The following STKLD1 variants were observed in gnomAD, a reference collection of about 807,000 sequenced individuals.
STKLD1 encodes the protein serine/threonine kinase-like domain-containing protein STKLD1.
A neutral mutation model predicts 80.4 loss-of-function variants in STKLD1; 79 were observed. That is an observed-to-expected ratio of 0.98 (90% confidence interval 0.82 to 1.19). STKLD1 has a LOEUF of 1.19. STKLD1 is among the 50% of genes most tolerant of loss of function. STKLD1 has a pLI of 0.00. For missense variants in STKLD1, 841 were observed against 856.0 expected (o/e 0.98, Z 0.22); for synonymous variants, 393 against 357.6 (o/e 1.10, Z -1.12).
At chr9:133,399,348 G>T (rs1045983823) in intron 11 of STKLD1, among the ~76,000 whole-genome samples, 2 of 152,148 alleles carry the variant, frequency 1.3e-5, no homozygotes, top group Admixed American at 6.5e-5. Context: ...AGGTGACAAG[G>T]CCCAGCCCTG....
At chr9:133,378,974 G>A in intron 1 of STKLD1, 62 bp from the exon 2 acceptor site, 1 of 1,492,608 alleles carries the variant, frequency 6.7e-7, no homozygotes, top group Admixed American at 1.8e-5. Flanking sequence ...GTTGGAGCTG[G>A]GCTTTTGGAA....
In STKLD1 at chr9:133,404,985, G is replaced by A. The variant is rs587718609; in HGVS notation, c.1873+56G>A. 5.5e-5 allele frequency: 87 copies of A among 1,591,568 alleles called. 1 individual carries two copies. The highest frequency in any genetic ancestry group is 3.4e-4 in the South Asian group (30 of 88,536). ...AGAGCCCAGCGGTCAGGGGTGCCCC[G>A]CTCCCCCTATAACTGACAGGGAAGG... On this transcript the variant is annotated intron_variant, in intron 17 of 17. Transcript: ENST00000371957.
In STKLD1 at chr9:133,394,403, C is replaced by T; in HGVS notation, c.696C>T (p.Phe232=). 6.2e-7 allele frequency: 1 copy of T among 1,610,632 alleles called. No individual in the cohort carries two copies. Among genetic ancestry groups the T allele is most frequent in the Non-Finnish European group, 8.5e-7 (1 of 1,177,086 alleles). Residue 232 remains phenylalanine (F), a synonymous_variant, in exon 8 of 18, where the codon TTC becomes TTT. Transcript: ENST00000371957. This position sits in a 1 kb window ranked among gnomAD's most constrained non-coding sequence, Gnocchi z 4.9. ...CIILDMTSCS[F]MDGTEAMHLR... Reference sequence around the variant, plus strand: ...TTCTGGACATGACCAGCTGCTCCTTCATGGATGTGAGCCGCCCTCCCTCCC... The same window carrying T: ...TTCTGGACATGACCAGCTGCTCCTTTATGGATGTGAGCCGCCCTCCCTCCC...
At chr9:133,391,868 C>T (rs1192854990) in intron 7 of STKLD1, among the ~76,000 whole-genome samples, 1 of 151,830 alleles carries the variant, frequency 6.6e-6, no homozygotes, top group Non-Finnish European at 1.5e-5. Context: ...AAGAAAATGC[C>T]CAGGACGGAG....
At chr9:133,397,337 T>C in intron 10 of STKLD1, 43 bp downstream of exon 10, 1 of 1,607,978 alleles carries the variant, frequency 6.2e-7, no homozygotes, top group Non-Finnish European at 8.5e-7. Context: ...CTGAAGCTCC[T>C]GTCCATGGCC....
rs1022701229 is a variant in STKLD1 at position 133,384,656 on chromosome 9, C to T, written c.219+756C>T. 1.3e-5 allele frequency: 2 copies of T among 151,438 alleles called. No individual in the cohort carries two copies. The highest frequency in any genetic ancestry group is 2.4e-5 in the African/African-American group (1 of 41,194). 9.4% of individuals were successfully genotyped at this position (151,438 alleles called of 1,614,324 possible). On this transcript the variant is annotated intron_variant, in intron 3 of 17. Coordinates refer to ENST00000371957, the MANE Select transcript of STKLD1 (RefSeq NM_153710.5). The surrounding 1 kb of genome is among the most constrained non-coding windows in gnomAD (Gnocchi z 4.3). ...GTCTGAATTTCTGGGCTCAAGCAAT[C>T]GTCCCACCTCGGCCTCCAAAGTGCT...
chr9:133,397,114 G>T, intron 9 of STKLD1, 50 bp from the exon 10 acceptor site: 3 of 1,609,662 alleles, frequency 1.9e-6, no homozygotes, highest in Non-Finnish European at 2.5e-6. Context: ...CCACGGGGAG[G>T]TGGCAGGGGG....
At chr9:133,379,373 T>C (rs1271837752) in intron 2 of STKLD1, among the ~76,000 whole-genome samples, 1 of 152,252 alleles carries the variant, frequency 6.6e-6, no homozygotes, top group African/African-American at 2.4e-5. Context: ...ACGTGCTGTA[T>C]GCCAGGCACT....
intron 9 of STKLD1, among the ~76,000 whole-genome samples, chr9:133,396,268 T>C (rs1838561541): frequency 6.6e-6 from 1 of 151,998 alleles, no homozygotes. Context: ...CCCCTGTCTC[T>C]ACGAAAAATA....
At position 133,400,394 on chromosome 9, in the gene STKLD1, G is replaced by C. The variant is rs1005280954; in HGVS notation, c.1082-19G>C. 1 of 1,601,606 alleles carries C rather than the reference G, an allele frequency of 6.2e-7. No homozygotes were observed. Among genetic ancestry groups the C allele is most frequent in the Non-Finnish European group, 8.5e-7 (1 of 1,172,340 alleles). ...ATCTGGCCCAAAATGAGTCTCCCCT[G>C]TGCCGCCCGCCCTGCCAGGTCTGCC... On this transcript the variant is annotated intron_variant, in intron 11 of 17. Coordinates refer to ENST00000371957, the MANE Select transcript of STKLD1 (RefSeq NM_153710.5).
chr9:133,399,253 C>T (rs28453162), intron 11 of STKLD1, among the ~76,000 whole-genome samples: 17,736 of 152,226 alleles, frequency 0.12, 1,416 homozygotes, highest in African/African-American at 0.22. Flanking sequence ...CATCCATCCA[C>T]CCATCCACCC....
chr9:133,399,226 C>T (rs1345335348), intron 11 of STKLD1, among the ~76,000 whole-genome samples: 1 of 152,188 alleles, frequency 6.6e-6, no homozygotes, highest in African/African-American at 2.4e-5. Context: ...CCTGCCTGAA[C>T]ATTACCTTCA....
Position 133,394,721 on chromosome 9 carries a change from G to A in STKLD1, c.702+312G>A. ...AGAAAAGCCAAGTTCAGGTGCCCTTGTGAGCATGAAGGCTGCACGGAGTTG... is the reference window on the plus strand; with the variant it reads ...AGAAAAGCCAAGTTCAGGTGCCCTTATGAGCATGAAGGCTGCACGGAGTTG... On this transcript the variant is annotated intron_variant, in intron 8 of 17. Transcript: ENST00000371957. This position sits in a 1 kb window ranked among gnomAD's most constrained non-coding sequence, Gnocchi z 4.9. The A allele has an allele frequency of 2.7e-6, 1 of 369,686 alleles. No individual in the cohort carries two copies. Among genetic ancestry groups the A allele is most frequent in the Non-Finnish European group, 5.1e-6 (1 of 197,356 alleles). The allele number at this position is 369,686 out of a possible 1,614,324, so 22.9% of individuals were successfully genotyped here.
intron 5 of STKLD1, 90 bp downstream of exon 5, chr9:133,387,638 G>A: frequency 1.0e-6 from 1 of 998,692 alleles, no homozygotes; most frequent in Non-Finnish European, 1.6e-6. Flanking sequence ...CGGGAGGGCA[G>A]GCACCATGGA....
chr9:133,404,028 C>T lies in STKLD1; in HGVS notation c.1712C>T (p.Ala571Val). 6.2e-7 allele frequency: 1 copy of T among 1,607,860 alleles called. No individual in the cohort carries two copies. Among genetic ancestry groups the T allele is most frequent in the Non-Finnish European group, 8.5e-7 (1 of 1,177,356 alleles). ...LLVNNAYRGL[A>V]SLVKVSELAA... ...GTGAACAATGCCTACCGGGGACTGGCCAGCCTGGTGAAGGTGTCAGGTGAG... is the reference window on the plus strand; with the variant it reads ...GTGAACAATGCCTACCGGGGACTGGTCAGCCTGGTGAAGGTGTCAGGTGAG... The change falls in exon 16 of 18, where the codon GCC (alanine) becomes GTC (valine). Residue 571 changes from alanine (A) to valine (V), a missense_variant. Transcript: ENST00000371957.
chr9:133,395,577 A>G, intron 8 of STKLD1, 23 bp from the exon 9 acceptor site: 2 of 1,610,404 alleles, frequency 1.2e-6, no homozygotes, highest in Non-Finnish European at 1.7e-6. Flanking sequence ...GGGAATACAC[A>G]GAGCTGTCCT....
intron 14 of STKLD1, 66 bp downstream of exon 14, chr9:133,403,078 C>A (rs1554778016): frequency 7.4e-6 from 11 of 1,478,920 alleles, no homozygotes; most frequent in Non-Finnish European, 1.0e-5. Context: ...TCCCTAACTG[C>A]CCCTGAGAGC....
chr9:133,377,304 G>GT, intron 1 of STKLD1, among the ~76,000 whole-genome samples: 1 of 152,226 alleles, frequency 6.6e-6, no homozygotes, highest in Middle Eastern at 3.4e-3. Context: ...CCATTTTACT[G>GT]TTTAATTTGC....
At chr9:133,397,561 C>T (rs1838594253) in intron 10 of STKLD1, among the ~76,000 whole-genome samples, 1 of 152,186 alleles carries the variant, frequency 6.6e-6, no homozygotes, top group African/African-American at 2.4e-5. Context: ...CCCTCCGCTC[C>T]TGCTACACAA....
Sources: allele counts gnomAD v4.1 joint callset (sites outside exome capture counted in the v4.1 genomes callset), GRCh38; gene constraint gnomAD v4.1.1; non-coding constraint Gnocchi (gnomAD v3.1); transcripts MANE v1.5; gene names NCBI Gene and HGNC (gene_info 2026-07-23, HGNC 2026-07-21).